METTL15: variants seen among roughly 807,000 people sequenced by gnomAD.
METTL15 encodes the protein 12S rRNA N(4)-cytidine methyltransferase METTL15.
In METTL15, 34 loss-of-function variants were observed where a neutral mutation model predicts 38.3. The observed-to-expected ratio is 0.89, with a 90% CI of 0.68 to 1.18. METTL15 has a LOEUF of 1.18. METTL15 is among the 50% of genes most tolerant of loss of function. METTL15 has a pLI of 0.00. For synonymous variants in METTL15, 162 were observed against 170.9 expected (o/e 0.95, Z 0.41); for missense variants, 438 against 498.4 (o/e 0.88, Z 1.15).
intron 3 of METTL15, among the ~76,000 whole-genome samples, chr11:28,130,781 G>A (rs182818994): frequency 1.3e-5 from 2 of 152,282 alleles, no homozygotes; most frequent in Non-Finnish European, 2.9e-5. Context: ...TTGATTTTCT[G>A]AAGTAGAGAG....
At chr11:28,373,865 G>A (rs1488488567) in intron 5 of METTL15, among the ~76,000 whole-genome samples, 1 of 152,102 alleles carries the variant, frequency 6.6e-6, no homozygotes, top group Non-Finnish European at 1.5e-5. Flanking sequence ...AAGGGATCCA[G>A]TTTCAGCTTT....
intron 6 of METTL15, among the ~76,000 whole-genome samples, chr11:28,456,374 G>A (rs779911778): frequency 3.9e-5 from 6 of 151,978 alleles, no homozygotes; most frequent in Admixed American, 3.3e-4. Flanking sequence ...TCTCTTGACC[G>A]ATATTTTGCT....
intron 4 of METTL15, among the ~76,000 whole-genome samples, chr11:28,230,533 T>A (rs950034753): frequency 2.0e-5 from 3 of 151,948 alleles, no homozygotes; most frequent in Admixed American, 6.6e-5. Flanking sequence ...CTTCATTTTA[T>A]CTTGGGTAAA....
intron 5 of METTL15, 149 bp downstream of exon 5, chr11:28,290,546 A>C (rs2133989207): frequency 1.5e-6 from 1 of 672,956 alleles, no homozygotes; most frequent in East Asian, 2.7e-5. Context: ...TTTCATACTC[A>C]TTATACACAT....
Position 28,251,017 on chromosome 11 carries a change from T to TGG in METTL15, c.408-39189_408-39188insGG, listed in dbSNP as rs544234943. Among the ~76,000 whole-genome samples, 17 of 152,162 alleles carry TGG rather than the reference T, an allele frequency of 1.1e-4. No homozygotes were observed. The South Asian group carries it at 2.5e-3, about 22-fold the overall frequency. ...ACTATCAGATCTGGATTTTTCTTCA[T>TGG]CCTTTTAAACAAAGCTTTCCTTCAA... On this transcript the variant is annotated intron_variant, in intron 4 of 6. Coordinates refer to ENST00000407364, the MANE Select transcript of METTL15 (RefSeq NM_001113528.2).
At chr11:28,273,144 G>C (rs1032545539) in intron 4 of METTL15, among the ~76,000 whole-genome samples, 1 of 152,104 alleles carries the variant, frequency 6.6e-6, no homozygotes, top group Non-Finnish European at 1.5e-5. Context: ...TGAGAATAGG[G>C]ACTATGTCTT....
chr11:28,109,351 G>T (rs1851618592), intron 1 of METTL15, among the ~76,000 whole-genome samples: 3 of 152,140 alleles, frequency 2.0e-5, no homozygotes, highest in African/African-American at 4.8e-5. Context: ...ATAAAATCGA[G>T]ATGTCTTTAT....
At chr11:28,241,749 C>T (rs543631008) in intron 4 of METTL15, among the ~76,000 whole-genome samples, 1 of 152,098 alleles carries the variant, frequency 6.6e-6, no homozygotes, top group South Asian at 2.1e-4. Context: ...AAGGTAAAGG[C>T]CTGAAAGTTA....
At chr11:28,430,091 G>A (rs1289779900) in intron 6 of METTL15, among the ~76,000 whole-genome samples, 1 of 148,138 alleles carries the variant, frequency 6.8e-6, no homozygotes, top group African/African-American at 2.5e-5. Context: ...CGGCCGCCCT[G>A]TCTGAGAAGT....
chr11:28,432,244 A>T (rs1850938862), intron 6 of METTL15, among the ~76,000 whole-genome samples: 1 of 152,216 alleles, frequency 6.6e-6, no homozygotes, highest in Non-Finnish European at 1.5e-5. Flanking sequence ...AAGAAAAGGC[A>T]ACTTGCTGCT....
intron 4 of METTL15, among the ~76,000 whole-genome samples, chr11:28,361,070 T>C (rs2133367908): frequency 6.6e-6 from 1 of 151,990 alleles, no homozygotes; most frequent in Non-Finnish European, 1.5e-5. Flanking sequence ...TGTTGGACAT[T>C]TGGGTTGGTT....
At chr11:28,163,553 G>C (rs12274266) in intron 3 of METTL15, 51,649 of 262,492 alleles carry the variant, frequency 0.2, 1,983 homozygotes, top group East Asian at 0.31. Flanking sequence ...CTCTCTCTCT[G>C]TGTGTGTGTG....
chr11:28,183,615 A>G (rs185908467), intron 3 of METTL15, among the ~76,000 whole-genome samples: 2 of 152,158 alleles, frequency 1.3e-5, no homozygotes, highest in African/African-American at 4.8e-5. Flanking sequence ...AGCCGACTTG[A>G]TCGTGGTGGA....
chr11:28,402,669 C>G (rs2133405304), intron 5 of METTL15, among the ~76,000 whole-genome samples: 1 of 151,800 alleles, frequency 6.6e-6, no homozygotes, highest in South Asian at 2.1e-4. Context: ...AAATTTCTAA[C>G]TTTTTAAAAT....
intron 3 of METTL15, among the ~76,000 whole-genome samples, chr11:28,130,463 G>C (rs998410769): frequency 1.3e-5 from 2 of 152,098 alleles, no homozygotes; most frequent in African/African-American, 4.8e-5. Context: ...AAAAATAAGT[G>C]TTATAAGAAA....
At chr11:28,204,059 G>A (rs1370370071) in intron 3 of METTL15, among the ~76,000 whole-genome samples, 3 of 151,952 alleles carry the variant, frequency 2.0e-5, no homozygotes, top group African/African-American at 7.2e-5. Context: ...AATGAAAATT[G>A]CTACCTTTAA....
At chr11:28,119,873 T>TTG (rs1852138097) in intron 3 of METTL15, among the ~76,000 whole-genome samples, 1 of 152,238 alleles carries the variant, frequency 6.6e-6, no homozygotes, top group Non-Finnish European at 1.5e-5. Flanking sequence ...GACGGGAGTT[T>TTG]ATTTTGTTTG....
At chr11:28,236,246 A>G (rs544812452) in intron 4 of METTL15, among the ~76,000 whole-genome samples, 5 of 152,228 alleles carry the variant, frequency 3.3e-5, no homozygotes, top group Admixed American at 1.3e-4. Context: ...AATGTTCATC[A>G]AGGATATTGG....
At chr11:28,132,643 G>A (rs947565424) in intron 3 of METTL15, among the ~76,000 whole-genome samples, 1 of 152,062 alleles carries the variant, frequency 6.6e-6, no homozygotes, top group Non-Finnish European at 1.5e-5. Flanking sequence ...TTACCCTACA[G>A]TGAATTTTTA....
Sources: allele counts gnomAD v4.1 joint callset (sites outside exome capture counted in the v4.1 genomes callset), GRCh38; gene constraint gnomAD v4.1.1; transcripts MANE v1.5; gene names NCBI Gene and HGNC (gene_info 2026-07-23, HGNC 2026-07-21).